Variants in ARFRP1 observed in about 807,000 individuals in gnomAD.
ARFRP1 encodes the protein ADP-ribosylation factor-related protein 1.
Under a neutral mutation model 30.3 loss-of-function variants are expected in ARFRP1, and 19 were observed. That is an observed-to-expected ratio of 0.63 (90% confidence interval 0.44 to 0.92). The LOEUF (loss-of-function observed/expected upper bound fraction) is 0.92. ARFRP1 is among the 40% of genes least tolerant of loss of function. ARFRP1 has a pLI of 0.00. For missense variants in ARFRP1, 245 were observed against 267.5 expected, an observed-to-expected ratio of 0.92 and a Z score of 0.59; for synonymous variants, 133 against 114.2, an observed-to-expected ratio of 1.16 and a Z score of -1.05.
chr20:63,707,296 C>T, intron 1 of ARFRP1, 199 bp from the exon 2 acceptor site: 1 of 574,830 alleles, frequency 1.7e-6, no homozygotes, highest in Non-Finnish European at 3.1e-6. Context: ...GTCCTGCTCA[C>T]AGCAATGACT....
Position 63,700,628 on chromosome 20 carries a change from C to A in ARFRP1, c.492G>T (p.Leu164=). 6.2e-7 allele frequency: 1 copy of A among 1,610,780 alleles called. No homozygotes were observed. Among genetic ancestry groups the A allele is most frequent in the South Asian group, 1.1e-5 (1 of 91,000 alleles). The change falls in exon 7 of 8, where the codon CTG becomes CTT. Residue 164 remains leucine (L), a synonymous_variant. Transcript: ENST00000622789. ...CTSKIGRRDC[L]TQACSALTGK... ...CTGTGAGGGCCGAGCAGGCCTGGGT[C>A]AGGCAATCTCGCCTGCCGATCTTGC...
At position 63,700,619 on chromosome 20, in the gene ARFRP1, G is replaced by A. The variant is rs953852819; in HGVS notation, c.501C>T (p.Ala167=). Residue 167 remains alanine, a synonymous_variant, in exon 7 of 8, where the codon GCC becomes GCT. Transcript: ENST00000622789. ...KIGRRDCLTQ[A]CSALTGKGVR... is the part of the protein sequence containing the mutation. The stretch of plus-strand genomic sequence containing the variant: ...CCACTCACCCTGTGAGGGCCGAGCA[G>A]GCCTGGGTCAGGCAATCTCGCCTGC... The A allele has an allele frequency of 1.2e-6, 2 of 1,610,786 alleles. No individual in the cohort carries two copies. The highest frequency in any genetic ancestry group is 1.3e-5 in the African/African-American group (1 of 75,016).
chr20:63,702,970 C>T (rs1008610277), intron 4 of ARFRP1: 3 of 152,336 alleles, frequency 2.0e-5, no homozygotes, highest in Non-Finnish European at 4.4e-5. Flanking sequence ...TGGCAACACT[C>T]CTGGGCAAGA....
chr20:63,701,222 G>C (rs1601238564), intron 6 of ARFRP1: 1 of 530,804 alleles, frequency 1.9e-6, no homozygotes, highest in African/African-American at 1.9e-5. Flanking sequence ...AGATTGTAGG[G>C]GAGGCCAGCC....
chr20:63,700,714 A>G lies in ARFRP1; in HGVS notation c.418-12T>C. The G allele has an allele frequency of 6.2e-7, 1 of 1,609,646 alleles. No individual in the cohort carries two copies. Among genetic ancestry groups the G allele is most frequent in the Non-Finnish European group, 8.5e-7 (1 of 1,179,508 alleles). ...ATTGAGAGGCACGTCTGGGGGAGGT[A>G]AGGCCGTGAGGAGCAGCCCCCACGT... On this transcript the variant is annotated splice_polypyrimidine_tract_variant and intron_variant, in intron 6 of 7. Coordinates refer to ENST00000622789, the MANE Select transcript of ARFRP1 (RefSeq NM_001267547.3).
In ARFRP1 at chr20:63,702,209, C is replaced by A. The variant is rs772533118; in HGVS notation, c.273G>T (p.Ala91=). 7.4e-6 allele frequency: 12 copies of A among 1,611,760 alleles called. No homozygotes were observed. Among genetic ancestry groups the A allele is most frequent in the African/African-American group, 1.3e-5 (1 of 74,898 alleles). ...ELQSLWDKYY[A]ECHGVIYVID... is the part of the protein sequence containing the mutation. ...TGACGTAGATGACGCCGTGACACTC[C>A]GCATAATACTGGGAGGAAGCACCAG... Residue 91 remains alanine, a synonymous_variant, in exon 5 of 8, where the codon GCG becomes GCT. Transcript: ENST00000622789.
At chr20:63,702,425 G>C (rs1002027677) in intron 4 of ARFRP1, 34 of 578,256 alleles carry the variant, frequency 5.9e-5, no homozygotes, top group Non-Finnish European at 9.3e-5. Context: ...AGAACCTGCC[G>C]GCAACCTTTG....
intron 5 of ARFRP1, 103 bp from the exon 6 acceptor site, chr20:63,702,003 C>A (rs1030278609): frequency 1.8e-5 from 12 of 669,416 alleles, no homozygotes; most frequent in East Asian, 6.8e-5. Context: ...CCTCTGCCCC[C>A]CCCCCCCCCG....
intron 4 of ARFRP1, chr20:63,704,528 C>T (rs1447853703): frequency 6.6e-6 from 1 of 152,242 alleles, no homozygotes; most frequent in African/African-American, 2.4e-5. Context: ...CAGGAAGTCG[C>T]ACCCCAGCAG....
chr20:63,705,879 C>T (rs1238848511), intron 4 of ARFRP1: 1 of 426,920 alleles, frequency 2.3e-6, no homozygotes, highest in Non-Finnish European at 4.8e-6. Flanking sequence ...TTTGAACATT[C>T]CCAGACACTT....
chr20:63,701,754 T>C (rs2091215092), intron 6 of ARFRP1, 76 bp downstream of exon 6: 2 of 1,383,620 alleles, frequency 1.4e-6, no homozygotes, highest in Middle Eastern at 2.3e-4. Flanking sequence ...GGTGTCTGGG[T>C]GCACACCTGC....
chr20:63,702,004 C>CA (rs1463615474), intron 5 of ARFRP1, 104 bp from the exon 6 acceptor site: 3 of 918,936 alleles, frequency 3.3e-6, no homozygotes, highest in African/African-American at 2.0e-5. Context: ...CTCTGCCCCC[C>CA]CCCCCCCCGT....
rs1174217091 is a variant in ARFRP1 at position 63,699,984 on chromosome 20, C to T, written c.*459G>A. 64 of 149,322 alleles carry T rather than the reference C, an allele frequency of 4.3e-4. 1 individual carries two copies. Among genetic ancestry groups the T allele is most frequent in the Admixed American group, 1.9e-3 (23 of 11,942 alleles). 9.2% of individuals were successfully genotyped at this position (149,322 alleles called of 1,614,324 possible). On this transcript the variant is annotated 3_prime_UTR_variant, in exon 8 of 8. Coordinates refer to ENST00000622789, the MANE Select transcript of ARFRP1 (RefSeq NM_001267547.3). ...GGCAAGATCAGCCCCAGACCACTTCCGGGGTCACGGGGTCACGGGGTCACA... is the reference window on the plus strand; with the variant it reads ...GGCAAGATCAGCCCCAGACCACTTCTGGGGTCACGGGGTCACGGGGTCACA...
chr20:63,700,621 C>A lies in ARFRP1; in HGVS notation c.499G>T (p.Ala167Ser). Residue 167 changes from alanine to serine, a missense_variant, in exon 7 of 8, where the codon GCC (alanine) becomes TCC (serine). Transcript: ENST00000622789. ...KIGRRDCLTQ[A>S]CSALTGKGVR... ...ACTCACCCTGTGAGGGCCGAGCAGG[C>A]CTGGGTCAGGCAATCTCGCCTGCCG... 1 of 1,610,684 alleles carries A rather than the reference C, an allele frequency of 6.2e-7. No homozygotes were observed. The highest frequency in any genetic ancestry group is 1.1e-5 in the South Asian group (1 of 91,012).
intron 6 of ARFRP1, 32 bp downstream of exon 6, chr20:63,701,798 A>G (rs903040381): frequency 6.5e-7 from 1 of 1,547,114 alleles, no homozygotes; most frequent in African/African-American, 1.4e-5. Context: ...GGGACTCGGG[A>G]AGCTGCTGCG....
At position 63,698,742 on chromosome 20, in the gene ARFRP1, G is replaced by A. The variant is rs550763697; in HGVS notation, c.*1701C>T. On this transcript the variant is annotated 3_prime_UTR_variant, in exon 8 of 8. Coordinates refer to ENST00000622789, the MANE Select transcript of ARFRP1 (RefSeq NM_001267547.3). Reference sequence around the variant, plus strand: ...GCCGGGGACACCTGAGCCGCCCGCTGTGCCCAGATCCCTCAGGCTGCCTGC... The same window carrying A: ...GCCGGGGACACCTGAGCCGCCCGCTATGCCCAGATCCCTCAGGCTGCCTGC... The A allele has an allele frequency of 4.5e-5, 31 of 695,734 alleles. No individual in the cohort carries two copies. The highest frequency in any genetic ancestry group is 1.5e-4 in the African/African-American group (8 of 52,446). 43.1% of individuals were successfully genotyped at this position (695,734 alleles called of 1,614,324 possible).
rs1314757993 is a variant in ARFRP1 at position 63,700,658 on chromosome 20, G to A, written c.462C>T (p.Cys154=). 1.2e-6 allele frequency: 2 copies of A among 1,611,022 alleles called. No individual in the cohort carries two copies. Among genetic ancestry groups the A allele is most frequent in the South Asian group, 1.1e-5 (1 of 91,008 alleles). Residue 154 remains cysteine (C), a synonymous_variant, in exon 7 of 8, where the codon TGC becomes TGT. Coordinates refer to ENST00000622789, the MANE Select transcript of ARFRP1 (RefSeq NM_001267547.3). ...AATCTCGCCTGCCGATCTTGCTGGT[G>A]CAGTCGCTGAAGGCCGTCTTGATGT... The part of the protein sequence containing the change: ...IPDIKTAFSD[C]TSKIGRRDCL...
intron 4 of ARFRP1, chr20:63,705,566 G>A (rs1025786156): frequency 3.7e-5 from 18 of 481,850 alleles, no homozygotes; most frequent in African/African-American, 1.8e-4. Context: ...GGAGACTGCC[G>A]CTGTGAGACC....
At chr20:63,702,079 G>C (rs958459786) in intron 5 of ARFRP1, 57 bp downstream of exon 5, 3 of 1,531,232 alleles carry the variant, frequency 2.0e-6, no homozygotes, top group South Asian at 2.2e-5. Flanking sequence ...AGCTGCCCAA[G>C]CTGGACCTGC....
Sources: allele counts gnomAD v4.1 joint callset, GRCh38; gene constraint gnomAD v4.1.1; transcripts MANE v1.5; gene names NCBI Gene and HGNC (gene_info 2026-07-23, HGNC 2026-07-21).